The following DPP10 variants were observed in gnomAD, a reference collection of about 807,000 sequenced individuals.
DPP10 encodes the protein dipeptidyl peptidase like 10, also known as inactive dipeptidyl peptidase 10.
DPP10 carries 33 observed loss-of-function variants against 120.9 expected under a neutral mutation model. The ratio of observed to expected loss-of-function variants is 0.27; its 90% CI spans 0.21 to 0.37. The LOEUF is 0.37. Ranked by LOEUF, DPP10 falls within the 10% of genes least tolerant of loss-of-function variation. DPP10 has a pLI of 1.00. For synonymous variants in DPP10, 337 were observed against 326.1 expected, an observed-to-expected ratio of 1.03 and a Z score of -0.36; for missense variants, 816 against 942.8, an observed-to-expected ratio of 0.87 and a Z score of 1.76.
chr2:115,364,696 C>T (rs1347160346), intron 3 of DPP10, among the ~76,000 whole-genome samples: 2 of 150,144 alleles, frequency 1.3e-5, no homozygotes, highest in African/African-American at 4.9e-5. Flanking sequence ...TTCCATGTTC[C>T]TAAACCGAAT....
chr2:114,735,719 C>T (rs942246106), intron 1 of DPP10, among the ~76,000 whole-genome samples: 18 of 151,956 alleles, frequency 1.2e-4, no homozygotes, highest in African/African-American at 4.1e-4. Flanking sequence ...AGTTGCCAGA[C>T]GTAAAATTTG....
intron 3 of DPP10, among the ~76,000 whole-genome samples, chr2:115,440,658 T>G (rs1329256529): frequency 6.6e-6 from 1 of 152,204 alleles, no homozygotes; most frequent in Non-Finnish European, 1.5e-5. Context: ...TCAAATGCAA[T>G]AATTCTACAG....
chr2:115,768,292 T>C lies in DPP10; in HGVS notation c.1114-5T>C, dbSNP rs766841038. The C allele has an allele frequency of 2.5e-6, 4 of 1,612,948 alleles. No homozygotes were observed. In the African/African-American group the frequency reaches 4.0e-5, roughly 16 times the overall value. ...GAGATTGTTCTGTGCTCTTCTGTAT[T>C]TTAGAATGAGGAGCCCGTGTTTTCT... On this transcript the variant is annotated splice_region_variant and splice_polypyrimidine_tract_variant and intron_variant, in intron 12 of 25. Coordinates refer to ENST00000410059, the MANE Select transcript of DPP10 (RefSeq NM_020868.6).
At chr2:115,411,256 G>A (rs1002033474) in intron 3 of DPP10, among the ~76,000 whole-genome samples, 2 of 151,944 alleles carry the variant, frequency 1.3e-5, no homozygotes, top group African/African-American at 2.4e-5. Flanking sequence ...TGCTTGAACC[G>A]GGCAGGCGGA....
intron 1 of DPP10, among the ~76,000 whole-genome samples, chr2:114,532,329 T>C (rs1189389699): frequency 7.0e-6 from 1 of 142,414 alleles, no homozygotes; most frequent in Non-Finnish European, 1.5e-5. Context: ...ATACACACCA[T>C]ATATATCTCT....
intron 3 of DPP10, among the ~76,000 whole-genome samples, chr2:115,355,983 G>C (rs970355606): frequency 6.6e-6 from 1 of 152,124 alleles, no homozygotes; most frequent in Non-Finnish European, 1.5e-5. Flanking sequence ...TTGAAGTCAG[G>C]TAGTGTGATG....
At chr2:115,538,277 G>A (rs1154727) in intron 5 of DPP10, among the ~76,000 whole-genome samples, 147,317 of 152,046 alleles carry the variant, frequency 0.97, 71,539 homozygotes, top group East Asian at 1. Flanking sequence ...GTGAGGTTAG[G>A]TGGCTTTGAA....
intron 1 of DPP10, among the ~76,000 whole-genome samples, chr2:114,785,866 A>C (rs545031209): frequency 6.6e-6 from 1 of 152,352 alleles, no homozygotes; most frequent in African/African-American, 2.4e-5. Context: ...TAAATAAACA[A>C]CTAAGAGGAG....
chr2:115,548,386 T>A (rs1435868839), intron 5 of DPP10, among the ~76,000 whole-genome samples: 1 of 151,342 alleles, frequency 6.6e-6, no homozygotes, highest in African/African-American at 2.4e-5. Flanking sequence ...TTTCCTGGCA[T>A]TATGCTAAAA....
chr2:114,569,487 G>A (rs1251250136), intron 1 of DPP10, among the ~76,000 whole-genome samples: 2 of 152,134 alleles, frequency 1.3e-5, no homozygotes, highest in Non-Finnish European at 2.9e-5. Flanking sequence ...TGATAGGTGG[G>A]AGCTATTTTT....
chr2:114,995,128 G>C (rs899054290), intron 1 of DPP10, among the ~76,000 whole-genome samples: 1 of 152,160 alleles, frequency 6.6e-6, no homozygotes, highest in Admixed American at 6.5e-5. Flanking sequence ...GCCATTGCCA[G>C]GAGAACCTGC....
chr2:114,819,787 G>C (rs554795340), intron 1 of DPP10, among the ~76,000 whole-genome samples: 1 of 152,084 alleles, frequency 6.6e-6, no homozygotes, highest in Non-Finnish European at 1.5e-5. Flanking sequence ...GTATCTATTC[G>C]TTATCAAAAC....
chr2:115,775,449 C>A (rs571015957), intron 13 of DPP10, among the ~76,000 whole-genome samples: 15 of 151,262 alleles, frequency 9.9e-5, no homozygotes, highest in Non-Finnish European at 1.9e-4. Context: ...CATTGATAAA[C>A]TTGAAGTTTA....
intron 1 of DPP10, among the ~76,000 whole-genome samples, chr2:114,628,519 A>G (rs559516073): frequency 1.3e-5 from 2 of 152,284 alleles, no homozygotes; most frequent in African/African-American, 4.8e-5. Context: ...AGAAAGAGCA[A>G]TTCATCTAAA....
At chr2:115,158,407 T>C (rs990995123) in intron 1 of DPP10, among the ~76,000 whole-genome samples, 5 of 152,188 alleles carry the variant, frequency 3.3e-5, no homozygotes, top group Admixed American at 1.3e-4. Flanking sequence ...CAATGTTGTA[T>C]GTGAGGAAGT....
rs371821750 is a variant in DPP10, at chr2:115,055,083, T to C, written c.61-254156T>C. The stretch of plus-strand genomic sequence containing the variant: ...TAACAATAATGCTGTTGTTTATTTG[T>C]ATGGTGCCTGAAATAAACCATGCTA... On this transcript the variant is annotated intron_variant, in intron 1 of 25. Transcript: ENST00000410059. Among the ~76,000 whole-genome samples the C allele has an allele frequency of 2.8e-4, 42 of 152,344 alleles. 1 individual carries two copies. Among genetic ancestry groups the C allele is most frequent in the African/African-American group, 1.0e-3 (42 of 41,578 alleles).
chr2:114,734,690 G>C (rs1195118629), intron 1 of DPP10, among the ~76,000 whole-genome samples: 1 of 152,020 alleles, frequency 6.6e-6, no homozygotes, highest in African/African-American at 2.4e-5. Context: ...GACTCTTTTT[G>C]TCGGCAAAAG....
intron 3 of DPP10, among the ~76,000 whole-genome samples, chr2:115,458,237 C>G (rs1293122410): frequency 2.0e-5 from 3 of 152,084 alleles, no homozygotes; most frequent in African/African-American, 7.2e-5. Flanking sequence ...CAGATGTAAT[C>G]TCAGCCTCTT....
intron 1 of DPP10, among the ~76,000 whole-genome samples, chr2:115,139,843 G>A (rs2050833738): frequency 6.6e-6 from 1 of 150,814 alleles, no homozygotes; most frequent in African/African-American, 2.4e-5. Context: ...AGTGAACTTG[G>A]TCAATGAACT....
Sources: allele counts gnomAD v4.1 joint callset (sites outside exome capture counted in the v4.1 genomes callset), GRCh38; gene constraint gnomAD v4.1.1; transcripts MANE v1.5; gene names NCBI Gene and HGNC (gene_info 2026-07-23, HGNC 2026-07-21).